The following ASXL3 variants were observed in gnomAD, a reference collection of about 807,000 sequenced individuals.
The protein encoded by ASXL3 is ASXL transcriptional regulator 3.
Under a neutral mutation model 170.6 loss-of-function variants are expected in ASXL3, and 34 were observed. The ratio of observed to expected loss-of-function variants is 0.20; its 90% CI spans 0.15 to 0.27. The LOEUF is 0.27. ASXL3 is among the 10% of genes least tolerant of loss of function. The pLI is 1.00. For missense variants in ASXL3, 2,592 were observed against 2,695.3 expected (o/e 0.96, Z 0.85); for synonymous variants, 1,002 against 989.1 (o/e 1.01, Z -0.24).
intron 8 of ASXL3, among the ~76,000 whole-genome samples, chr18:33,717,716 G>A (rs569268813): frequency 4.7e-4 from 71 of 152,098 alleles, no homozygotes; most frequent in South Asian, 8.3e-4. Context: ...GAGGCTGGGC[G>A]TTGGTTTATT....
At chr18:33,674,394 G>A (rs2066392638) in intron 7 of ASXL3, among the ~76,000 whole-genome samples, 2 of 152,280 alleles carry the variant, frequency 1.3e-5, no homozygotes, top group South Asian at 4.1e-4. Flanking sequence ...TTTAAAATAA[G>A]CCAGTTGAAG....
At chr18:33,724,849 T>C (rs545689023) in intron 8 of ASXL3, among the ~76,000 whole-genome samples, 4 of 152,274 alleles carry the variant, frequency 2.6e-5, no homozygotes, top group African/African-American at 9.6e-5. Flanking sequence ...TGAAAAGTTA[T>C]TTGCAAAATT....
intron 5 of ASXL3, among the ~76,000 whole-genome samples, chr18:33,663,229 G>T (rs895404609): frequency 1.3e-5 from 2 of 152,058 alleles, no homozygotes; most frequent in African/African-American, 4.8e-5. Context: ...ATACTAACCA[G>T]AATAGAACAA....
chr18:33,681,379 C>A (rs967418461), intron 7 of ASXL3, among the ~76,000 whole-genome samples: 1 of 152,076 alleles, frequency 6.6e-6, no homozygotes. Flanking sequence ...GCAAGATTCT[C>A]TAAAGGATAG....
intron 4 of ASXL3, among the ~76,000 whole-genome samples, chr18:33,659,680 G>A (rs995187663): frequency 6.6e-6 from 1 of 152,006 alleles, no homozygotes; most frequent in South Asian, 2.1e-4. Context: ...CTTTGGCAAG[G>A]TGTTAAAAAT....
intron 1 of ASXL3, among the ~76,000 whole-genome samples, chr18:33,593,315 A>C (rs1364692888): frequency 2.1e-5 from 2 of 94,022 alleles, no homozygotes; most frequent in Non-Finnish European, 4.0e-5. Context: ...AAGTACCCCC[A>C]CCAGCAGATT....
intron 2 of ASXL3, among the ~76,000 whole-genome samples, chr18:33,608,675 A>G (rs991677411): frequency 1.3e-5 from 2 of 152,046 alleles, no homozygotes; most frequent in Non-Finnish European, 2.9e-5. Context: ...TGAATTGTCC[A>G]TCTGTAAGCC....
At chr18:33,680,416 A>T (rs2066497033) in intron 7 of ASXL3, among the ~76,000 whole-genome samples, 1 of 152,056 alleles carries the variant, frequency 6.6e-6, no homozygotes, top group African/African-American at 2.4e-5. Context: ...CCTGGGGGAA[A>T]AACATGCTTT....
At chr18:33,737,020 C>A (rs2067560517) in intron 10 of ASXL3, among the ~76,000 whole-genome samples, 1 of 152,070 alleles carries the variant, frequency 6.6e-6, no homozygotes, top group Non-Finnish European at 1.5e-5. Context: ...CTCTGCTTGA[C>A]CTAGTCCCAA....
rs1297687809 is a variant in ASXL3, at chr18:33,746,433, G to A, written c.6585G>A (p.Met2195Ile). The A allele has an allele frequency of 1.2e-6, 2 of 1,614,028 alleles. No individual in the cohort carries two copies. The highest frequency in any genetic ancestry group is 1.7e-6 in the Non-Finnish European group (2 of 1,179,874). ...ATGLSGQNAQ[M>I]PVQNFADSSN... ...GCTTGTCTGGTCAGAACGCTCAGAT[G>A]CCCGTTCAGAACTTTGCCGACAGCA... The change falls in exon 12 of 12, where the codon ATG (methionine) becomes ATA (isoleucine). Residue 2195 changes from methionine to isoleucine, a missense_variant. Met to Ile is a conservative substitution (Grantham distance 10). Coordinates refer to ENST00000269197, the MANE Select transcript of ASXL3 (RefSeq NM_030632.3).
Position 33,746,195 on chromosome 18 carries a change from C to G in ASXL3, c.6347C>G (p.Ala2116Gly). Residue 2116 changes from alanine to glycine, a missense_variant, in exon 12 of 12, where the codon GCG (alanine) becomes GGG (glycine). Coordinates refer to ENST00000269197, the MANE Select transcript of ASXL3 (RefSeq NM_030632.3). The part of the protein sequence containing the change: ...NEMKEQLKAF[A>G]LKSADFSSYL... ...ATGAAAGAACAGTTAAAAGCATTCG[C>G]GCTAAAAAGTGCAGATTTCTCTTCC... 1 of 1,613,806 alleles carries G rather than the reference C, an allele frequency of 6.2e-7. No homozygotes were observed. The highest frequency in any genetic ancestry group is 8.5e-7 in the Non-Finnish European group (1 of 1,179,864).
intron 2 of ASXL3, among the ~76,000 whole-genome samples, chr18:33,639,268 G>A (rs1399408810): frequency 1.3e-5 from 2 of 152,074 alleles, no homozygotes; most frequent in Non-Finnish European, 2.9e-5. Flanking sequence ...ACATTTTAGA[G>A]TCAAGGGACC....
chr18:33,724,936 T>C (rs1329831522), intron 8 of ASXL3, among the ~76,000 whole-genome samples: 1 of 152,170 alleles, frequency 6.6e-6, no homozygotes, highest in Non-Finnish European at 1.5e-5. Flanking sequence ...TTTATGCCTA[T>C]CTTTATGTTA....
At chr18:33,660,677 C>T (rs1328985719) in intron 4 of ASXL3, among the ~76,000 whole-genome samples, 1 of 152,126 alleles carries the variant, frequency 6.6e-6, no homozygotes, top group Non-Finnish European at 1.5e-5. Context: ...TGTCGCTAAT[C>T]ATAGTACTTC....
intron 1 of ASXL3, among the ~76,000 whole-genome samples, chr18:33,580,892 G>A (rs1259855615): frequency 1.3e-5 from 2 of 152,100 alleles, no homozygotes; most frequent in Non-Finnish European, 2.9e-5. Flanking sequence ...TATTCAAAAT[G>A]TGCCAGTTAA....
At chr18:33,602,672 C>T (rs1378196207) in intron 1 of ASXL3, among the ~76,000 whole-genome samples, 3 of 152,120 alleles carry the variant, frequency 2.0e-5, no homozygotes, top group African/African-American at 7.2e-5. Context: ...TAAACATTGT[C>T]ATCAGTATCG....
chr18:33,732,159 C>T (rs1208828184), intron 9 of ASXL3, 95 bp downstream of exon 9: 2 of 883,472 alleles, frequency 2.3e-6, no homozygotes, highest in Non-Finnish European at 1.7e-6. Flanking sequence ...TTTTCCCCGA[C>T]ACAGTACACT....
chr18:33,578,577 G>T lies in ASXL3; in HGVS notation c.-55G>T. On this transcript the variant is annotated 5_prime_UTR_variant, in exon 1 of 12. Coordinates refer to ENST00000269197, the MANE Select transcript of ASXL3 (RefSeq NM_030632.3). ...GTCATTGTCTCCGCGCCCGAACCCC[G>T]AGCACCCCGTGGAATCCCCCACGTC... The T allele has an allele frequency of 8.6e-7, 1 of 1,156,408 alleles. No homozygotes were observed. Among genetic ancestry groups the T allele is most frequent in the Middle Eastern group, 2.3e-4 (1 of 4,406 alleles). The allele number at this position is 1,156,408 out of a possible 1,614,324, so 71.6% of individuals were successfully genotyped here. A position where few individuals can be genotyped will look rare whatever the true frequency, so the allele number is the denominator to read the frequency against.
At chr18:33,592,845 A>G (rs2054666613) in intron 1 of ASXL3, among the ~76,000 whole-genome samples, 1 of 152,110 alleles carries the variant, frequency 6.6e-6, no homozygotes, top group African/African-American at 2.4e-5. Flanking sequence ...GATTTGTAAA[A>G]TCTTCCTTTC....
Sources: gnomAD v4.1 joint callset for allele counts (sites outside exome capture counted in the v4.1 genomes callset) on GRCh38, gnomAD v4.1.1 for gene constraint, MANE v1.5 for transcripts, NCBI Gene and HGNC (gene_info 2026-07-23, HGNC 2026-07-21) for gene names.